TRIP6: variants seen among roughly 807,000 people sequenced by gnomAD.
TRIP6 encodes the protein thyroid hormone receptor interactor 6.
In TRIP6, 33 loss-of-function variants were observed where a neutral mutation model predicts 51.9. The ratio of observed to expected loss-of-function variants is 0.64; its 90% CI spans 0.48 to 0.85. The LOEUF is 0.85. TRIP6 is among the 40% of genes least tolerant of loss of function. The probability of loss-of-function intolerance (pLI) is 0.00; values close to 1 mark genes in which losing one functional copy is unlikely to be tolerated. For missense variants in TRIP6, 661 were observed against 652.1 expected (o/e 1.01, Z -0.15); for synonymous variants, 255 against 275.8 (o/e 0.92, Z 0.75).
intron 7 of TRIP6, 121 bp downstream of exon 7, chr7:100,871,842 T>A: frequency 7.7e-7 from 1 of 1,297,364 alleles, no homozygotes; most frequent in Non-Finnish European, 1.0e-6. Flanking sequence ...TCTTTGTTAT[T>A]GTTATTTTTT....
intron 6 of TRIP6, chr7:100,871,302 T>C (rs1298537289): frequency 5.2e-6 from 3 of 581,390 alleles, no homozygotes; most frequent in Non-Finnish European, 9.2e-6. Flanking sequence ...CCCAAAGTGC[T>C]GGCATTACAG....
chr7:100,871,074 C>T (rs546050527), intron 6 of TRIP6: 89 of 518,208 alleles, frequency 1.7e-4, no homozygotes, highest in Middle Eastern at 5.5e-4. Context: ...CGCTCTGTTG[C>T]GCAGACTGGA....
At position 100,867,685 on chromosome 7, in the gene TRIP6, TG is replaced by T; in HGVS notation, c.109+81del. 1 of 1,566,378 alleles carries T rather than the reference TG, an allele frequency of 6.4e-7. No homozygotes were observed. ...GTCCTACCGCTCCAGCCTCCCGCCC[TG>T]GCTGCTTCCTCCTGCCCCTTCCCCA... is the stretch of plus-strand genomic sequence containing the variant. On this transcript the variant is annotated intron_variant, in intron 1 of 8. Coordinates refer to ENST00000200457, the MANE Select transcript of TRIP6 (RefSeq NM_003302.3). This position sits in a 1 kb window ranked among gnomAD's most constrained non-coding sequence, Gnocchi z 5.4.
intron 7 of TRIP6, 106 bp downstream of exon 7, chr7:100,871,827 T>C: frequency 1.4e-6 from 2 of 1,383,376 alleles, no homozygotes; most frequent in South Asian, 1.4e-5. Context: ...CTGGCCCTCC[T>C]TCGTTCTTTG....
In TRIP6 at chr7:100,868,212, G is replaced by A. The variant is rs1275577992; in HGVS notation, c.342G>A (p.Ala114=). 2.5e-6 allele frequency: 4 copies of A among 1,608,358 alleles called. No homozygotes were observed. The highest frequency in any genetic ancestry group is 1.1e-5 in the South Asian group (1 of 90,848). ...LAELNGGRGH[A]SRRPDRQAYE... is the part of the protein sequence containing the mutation. ...AGCTGAATGGGGGTCGGGGTCATGC[G>A]TCACGGCGACCAGACCGACAGGTGA... is the stretch of plus-strand genomic sequence containing the variant. The change falls in exon 3 of 9, where the codon GCG becomes GCA. Residue 114 remains alanine (A), a synonymous_variant. Transcript: ENST00000200457.
At chr7:100,872,488 T>C in intron 7 of TRIP6, 136 bp from the exon 8 acceptor site, 1 of 1,351,282 alleles carries the variant, frequency 7.4e-7, no homozygotes, top group Non-Finnish European at 1.0e-6. Flanking sequence ...CTCTTTGACA[T>C]CGTCCCTTCC....
chr7:100,871,292 C>T (rs971746293), intron 6 of TRIP6: 2 of 572,626 alleles, frequency 3.5e-6, no homozygotes, highest in Non-Finnish European at 6.3e-6. Flanking sequence ...ACTCTGGCCT[C>T]CCAAAGTGCT....
chr7:100,871,642 GT>G lies in TRIP6; in HGVS notation c.1100del (p.Val367GlyfsTer40), dbSNP rs1400326492. ...AYHPGCFTCV[V>X]CHRGLDGIPF... is the part of the protein sequence containing the mutation. ...CCACCCTGGCTGCTTCACCTGCGTG[GT>G]GTGTCACCGCGGCCTCGACGGCATC... On this transcript the variant is annotated frameshift_variant, in exon 7 of 9. Coordinates refer to ENST00000200457, the MANE Select transcript of TRIP6 (RefSeq NM_003302.3). LOFTEE classifies it high-confidence loss of function. 2.5e-6 allele frequency: 4 copies of G among 1,613,984 alleles called. No individual in the cohort carries two copies. Among genetic ancestry groups the G allele is most frequent in the Non-Finnish European group, 3.4e-6 (4 of 1,180,044 alleles).
In TRIP6 at chr7:100,868,674, C is replaced by T. The variant is rs765798443; in HGVS notation, c.543C>T (p.Cys181=). The part of the protein sequence containing the change: ...QVKVAQPVRG[C]GPPRRGASQA... ...AGGTGGCACAGCCAGTGAGGGGCTGCGGCCCACCCAGGCGGGGAGCCTCTC... is the reference window on the plus strand; with the variant it reads ...AGGTGGCACAGCCAGTGAGGGGCTGTGGCCCACCCAGGCGGGGAGCCTCTC... Residue 181 remains cysteine (C), a synonymous_variant, in exon 4 of 9, where the codon TGC becomes TGT. Coordinates refer to ENST00000200457, the MANE Select transcript of TRIP6 (RefSeq NM_003302.3). 8 of 1,605,172 alleles carry T rather than the reference C, an allele frequency of 5.0e-6. No individual in the cohort carries two copies. The East Asian group carries it at 6.7e-5, about 13-fold the overall frequency.
At chr7:100,868,388 G>T in intron 3 of TRIP6, 107 bp from the exon 4 acceptor site, 1 of 1,589,048 alleles carries the variant, frequency 6.3e-7, no homozygotes, top group Non-Finnish European at 8.6e-7. Context: ...ACGGGACCTT[G>T]TCAAATGCAA....
chr7:100,870,638 C>T lies in TRIP6; in HGVS notation c.894C>T (p.Arg298=), dbSNP rs552342163. The T allele has an allele frequency of 2.8e-5, 45 of 1,614,116 alleles. 1 individual carries two copies. The highest frequency in any genetic ancestry group is 3.3e-5 in the Admixed American group (2 of 60,004). Residue 298 remains arginine, a synonymous_variant, in exon 6 of 9, where the codon CGC becomes CGT. Coordinates refer to ENST00000200457, the MANE Select transcript of TRIP6 (RefSeq NM_003302.3). ...GDGAGVVALD[R]VFHVGCFVCS... is the part of the protein sequence containing the mutation. ...GGGCTGGGGTTGTGGCCCTTGATCG[C>T]GTCTTTCACGTGGGCTGCTTTGTAT...
chr7:100,872,980 A>G, intron 8 of TRIP6, 192 bp from the exon 9 acceptor site: 1 of 1,083,002 alleles, frequency 9.2e-7, no homozygotes, highest in Non-Finnish European at 1.3e-6. Flanking sequence ...CCTCCTGAGT[A>G]GCTGGGATTA....
chr7:100,872,850 T>TTA, intron 8 of TRIP6, 106 bp downstream of exon 8: 4 of 1,454,940 alleles, frequency 2.7e-6, no homozygotes, highest in Non-Finnish European at 2.7e-6. Context: ...TGTTGCTTCT[T>TTA]TCTTTTTTTT....
chr7:100,873,194 C>G lies in TRIP6; in HGVS notation c.1322C>G (p.Ser441Cys). The change falls in exon 9 of 9, where the codon TCT becomes TGT. Residue 441 changes from serine to cysteine, a missense_variant. By Grantham distance (112) the Ser-to-Cys change is moderately radical (BLOSUM62 -1). Coordinates refer to ENST00000200457, the MANE Select transcript of TRIP6 (RefSeq NM_003302.3). ...KCEECGLLLS[S>C]EGECQGCYPL... ...CAGGAGTGTGGGCTGCTGCTCTCCTCTGAGGGCGAGTGTCAGGGCTGCTAC... is the reference window on the plus strand; with the variant it reads ...CAGGAGTGTGGGCTGCTGCTCTCCTGTGAGGGCGAGTGTCAGGGCTGCTAC... 2 of 1,613,356 alleles carry G rather than the reference C, an allele frequency of 1.2e-6. No individual in the cohort carries two copies. Among genetic ancestry groups the G allele is most frequent in the Non-Finnish European group, 1.7e-6 (2 of 1,179,654 alleles).
intron 4 of TRIP6, 84 bp downstream of exon 4, chr7:100,868,950 CTTTT>C (rs1563002367): frequency 7.9e-6 from 11 of 1,399,072 alleles, no homozygotes; most frequent in Admixed American, 2.9e-5. Flanking sequence ...TTTTAGGGGG[CTTTT>C]TTGTTTTTTG....
rs1296519601 is a variant in TRIP6 at position 100,870,453 on chromosome 7, G to C, written c.819G>C (p.Gly273=). The C allele has an allele frequency of 6.2e-7, 1 of 1,613,326 alleles. No homozygotes were observed. Among genetic ancestry groups the C allele is most frequent in the Non-Finnish European group, 8.5e-7 (1 of 1,179,764 alleles). ...LVHDMNHPPS[G]EYFGQCGGCG... ...ACGACATGAACCACCCGCCCAGCGG[G>C]GAGTACTTTGGTGAGCTGAGGCTGT... The change falls in exon 5 of 9, where the codon GGG becomes GGC. Residue 273 remains glycine (G), a synonymous_variant. Coordinates refer to ENST00000200457, the MANE Select transcript of TRIP6 (RefSeq NM_003302.3).
At position 100,873,187 on chromosome 7, in the gene TRIP6, C is replaced by G; in HGVS notation, c.1315C>G (p.Leu439Val). Reference protein sequence around the residue: ...CYKCEECGLLLSSEGECQGCY... With the variant: ...CYKCEECGLLVSSEGECQGCY... ...TTTTCAACAGGAGTGTGGGCTGCTG[C>G]TCTCCTCTGAGGGCGAGTGTCAGGG... is the stretch of plus-strand genomic sequence containing the variant. The change falls in exon 9 of 9, where the codon CTC (leucine) becomes GTC (valine). Residue 439 changes from leucine to valine, a missense_variant. Leu to Val is a conservative substitution (Grantham distance 32). Transcript: ENST00000200457. 1 of 1,612,538 alleles carries G rather than the reference C, an allele frequency of 6.2e-7. No individual in the cohort carries two copies. The highest frequency in any genetic ancestry group is 8.5e-7 in the Non-Finnish European group (1 of 1,179,148).
In TRIP6 at chr7:100,868,159, A is replaced by T. The variant is rs1343789640; in HGVS notation, c.289A>T (p.Ile97Leu). Residue 97 changes from isoleucine to leucine, a missense_variant, in exon 3 of 9, where the codon ATA becomes TTA. Coordinates refer to ENST00000200457, the MANE Select transcript of TRIP6 (RefSeq NM_003302.3). Reference sequence around the variant, plus strand: ...TCGCCCTGGAAGCCTGGACGCCGAGATAGACTTGCTGAGCAGCACGCTGGC... The same window carrying T: ...TCGCCCTGGAAGCCTGGACGCCGAGTTAGACTTGCTGAGCAGCACGCTGGC... The part of the protein sequence containing the change: ...GLRPGSLDAE[I>L]DLLSSTLAEL... 6.2e-7 allele frequency: 1 copy of T among 1,611,510 alleles called. No individual in the cohort carries two copies. Among genetic ancestry groups the T allele is most frequent in the South Asian group, 1.1e-5 (1 of 90,920 alleles).
In TRIP6 at chr7:100,868,178, C is replaced by T. The variant is rs148748129; in HGVS notation, c.308C>T (p.Thr103Met). The T allele has an allele frequency of 5.7e-5, 92 of 1,610,050 alleles. No individual in the cohort carries two copies. In the African/African-American group the frequency reaches 7.1e-4, roughly 12 times the overall value. ...LDAEIDLLSS[T>M]LAELNGGRGH... is the part of the protein sequence containing the mutation. ...GCCGAGATAGACTTGCTGAGCAGCA[C>T]GCTGGCCGAGCTGAATGGGGGTCGG... Residue 103 changes from threonine to methionine, a missense_variant, in exon 3 of 9, where the codon ACG becomes ATG. Thr to Met is a moderately conservative substitution (Grantham distance 81). Transcript: ENST00000200457.
Sources: allele counts gnomAD v4.1 joint callset, GRCh38; gene constraint gnomAD v4.1.1; non-coding constraint Gnocchi (gnomAD v3.1); transcripts MANE v1.5; gene names NCBI Gene and HGNC (gene_info 2026-07-23, HGNC 2026-07-21).